The following ATF7IP variants were observed in gnomAD, a reference collection of about 807,000 sequenced individuals.
ATF7IP encodes the protein activating transcription factor 7-interacting protein 1.
A neutral mutation model predicts 106.4 loss-of-function variants in ATF7IP; 23 were observed. That is an observed-to-expected ratio of 0.22 (90% CI 0.16 to 0.31). The LOEUF is 0.31. Ranked by LOEUF, ATF7IP falls within the 10% of genes least tolerant of loss-of-function variation. ATF7IP has a pLI of 1.00. For synonymous variants in ATF7IP, 542 were observed against 539.0 expected (o/e 1.01, Z -0.08); for missense variants, 1,334 against 1,524.3 (o/e 0.88, Z 2.08).
intron 10 of ATF7IP, among the ~76,000 whole-genome samples, chr12:14,471,767 A>G (rs1944053570): frequency 6.6e-6 from 1 of 152,120 alleles, no homozygotes; most frequent in South Asian, 2.1e-4. Flanking sequence ...TGCCCCCATG[A>G]TTCAGTTACC....
At chr12:14,452,891 T>A (rs1943261463) in intron 6 of ATF7IP, among the ~76,000 whole-genome samples, 4 of 152,282 alleles carry the variant, frequency 2.6e-5, no homozygotes, top group Admixed American at 2.6e-4. Flanking sequence ...TTAGGACAGG[T>A]ATAGTGATGA....
rs1216432763 is a variant in ATF7IP at position 14,501,498 on chromosome 12, C to A, written c.*3425C>A. 1 of 152,180 alleles carries A rather than the reference C, an allele frequency of 6.6e-6. No individual in the cohort carries two copies. Among genetic ancestry groups the A allele is most frequent in the Non-Finnish European group, 1.5e-5 (1 of 68,028 alleles). The allele number at this position is 152,180 out of a possible 1,614,324, so 9.4% of individuals were successfully genotyped here. ...GAAATTTATAAATCACATACGAAGA[C>A]GTCTGTTGCTAACAGTTAACTTTAT... On this transcript the variant is annotated 3_prime_UTR_variant, in exon 15 of 15. Transcript: ENST00000261168.
rs1447727402 is a variant in ATF7IP at position 14,500,487 on chromosome 12, A to G, written c.*2414A>G. 6.6e-6 allele frequency: 1 copy of G among 152,182 alleles called. No individual in the cohort carries two copies. Among genetic ancestry groups the G allele is most frequent in the Non-Finnish European group, 1.5e-5 (1 of 68,024 alleles). The allele number at this position is 152,182 out of a possible 1,614,324, so 9.4% of individuals were successfully genotyped here. A position where few individuals can be genotyped will look rare whatever the true frequency, so the allele number is the denominator to read the frequency against. On this transcript the variant is annotated 3_prime_UTR_variant, in exon 15 of 15. Transcript: ENST00000261168. ...AGTGTTATGGCAATGAAAATTTCAG[A>G]AAGGAGGAGTTGATGATCTTCTAGA...
chr12:14,396,088 A>G (rs1939824389), intron 1 of ATF7IP, among the ~76,000 whole-genome samples: 1 of 152,312 alleles, frequency 6.6e-6, no homozygotes, highest in East Asian at 1.9e-4. Flanking sequence ...CCAGAAATAT[A>G]TTACTGATTG....
At chr12:14,487,432 G>A (rs1318774973) in intron 13 of ATF7IP, among the ~76,000 whole-genome samples, 2 of 152,170 alleles carry the variant, frequency 1.3e-5, no homozygotes, top group Non-Finnish European at 1.5e-5. Flanking sequence ...CCTGAGAAGA[G>A]TCAACATTGT....
chr12:14,460,232 C>T (rs1342909034), intron 8 of ATF7IP, among the ~76,000 whole-genome samples: 3 of 151,894 alleles, frequency 2.0e-5, no homozygotes, highest in Non-Finnish European at 2.9e-5. Context: ...TTTCAGAGAC[C>T]GTTTTGATCC....
intron 1 of ATF7IP, among the ~76,000 whole-genome samples, chr12:14,417,571 A>G (rs1268483031): frequency 6.6e-6 from 1 of 152,166 alleles, no homozygotes; most frequent in East Asian, 1.9e-4. Flanking sequence ...TGCATTGTAT[A>G]GAAAAATATG....
chr12:14,370,156 G>A (rs756904743), intron 1 of ATF7IP, among the ~76,000 whole-genome samples: 4 of 152,004 alleles, frequency 2.6e-5, no homozygotes, highest in Admixed American at 6.6e-5. Context: ...AGGCTGGCTC[G>A]AACTTCCTAC....
At chr12:14,427,661 G>A (rs1225091241) in intron 2 of ATF7IP, among the ~76,000 whole-genome samples, 1 of 152,166 alleles carries the variant, frequency 6.6e-6, no homozygotes, top group Non-Finnish European at 1.5e-5. Context: ...ACCGCGTCTG[G>A]CCAAGTCTAA....
At chr12:14,407,857 A>G (rs1321415950) in intron 1 of ATF7IP, among the ~76,000 whole-genome samples, 6 of 152,192 alleles carry the variant, frequency 3.9e-5, no homozygotes, top group Admixed American at 1.3e-4. Flanking sequence ...TAAAAAAAGT[A>G]TAAGGCATAC....
intron 1 of ATF7IP, among the ~76,000 whole-genome samples, chr12:14,376,121 T>C (rs35137816): frequency 0.02 from 3,006 of 152,290 alleles, 30 homozygotes; most frequent in Middle Eastern, 0.031. Flanking sequence ...ATCTTCCTGG[T>C]GAAAAAGCAG....
intron 6 of ATF7IP, among the ~76,000 whole-genome samples, chr12:14,449,732 C>G (rs1329708246): frequency 6.6e-6 from 1 of 151,352 alleles, no homozygotes; most frequent in Admixed American, 6.6e-5. Flanking sequence ...AAAAACAAAC[C>G]CACTATTGCA....
chr12:14,498,088 A>G lies in ATF7IP; in HGVS notation c.*15A>G, dbSNP rs1361560083. On this transcript the variant is annotated 3_prime_UTR_variant, in exon 15 of 15. Coordinates refer to ENST00000261168, the MANE Select transcript of ATF7IP (RefSeq NM_018179.5). ...AGAGCAGTTAAACCTTGGAGCCTTT[A>G]TATTTTCCTCTTTTAAAATTTCCAC... The G allele has an allele frequency of 6.5e-7, 1 of 1,538,160 alleles. No individual in the cohort carries two copies. Among genetic ancestry groups the G allele is most frequent in the Non-Finnish European group, 8.8e-7 (1 of 1,141,484 alleles).
intron 8 of ATF7IP, among the ~76,000 whole-genome samples, chr12:14,460,198 G>A (rs969102083): frequency 2.0e-5 from 3 of 151,952 alleles, no homozygotes; most frequent in Admixed American, 6.6e-5. Flanking sequence ...TACTAGTTAG[G>A]TACTCTAAAG....
At chr12:14,492,224 C>G (rs538800095) in intron 13 of ATF7IP, among the ~76,000 whole-genome samples, 1 of 152,320 alleles carries the variant, frequency 6.6e-6, no homozygotes, top group Non-Finnish European at 1.5e-5. Context: ...CATTAATTAT[C>G]TGACCTCCAT....
intron 1 of ATF7IP, among the ~76,000 whole-genome samples, chr12:14,411,609 A>C (rs1940917453): frequency 6.6e-6 from 1 of 151,826 alleles, no homozygotes; most frequent in Non-Finnish European, 1.5e-5. Context: ...TCCTTTGCTC[A>C]TTTTAAAATG....
In ATF7IP at chr12:14,385,683, G is replaced by T. The variant is rs148843587; in HGVS notation, c.-8+19856G>T. ...CCCTAATTAATGTAATATTCCTTTT[G>T]TGTAGGCTATTTTAGTGTGTTTGGT... On this transcript the variant is annotated intron_variant, in intron 1 of 14. Transcript: ENST00000261168. 8.4e-4 allele frequency among the ~76,000 whole-genome samples: 127 copies of T among 152,012 alleles called. 1 individual carries two copies. The East Asian group carries it at 0.024, about 29-fold the overall frequency.
chr12:14,388,902 C>G (rs1354278859), intron 1 of ATF7IP, among the ~76,000 whole-genome samples: 1 of 152,078 alleles, frequency 6.6e-6, no homozygotes, highest in African/African-American at 2.4e-5. Flanking sequence ...AGCTTCCTGA[C>G]ATGCTGGGAT....
chr12:14,395,818 TTTA>T (rs1364176208), intron 1 of ATF7IP, among the ~76,000 whole-genome samples: 4 of 152,078 alleles, frequency 2.6e-5, no homozygotes, highest in Admixed American at 1.3e-4. Flanking sequence ...TATATTTAAA[TTTA>T]TTATTATTTT....
Sources: gnomAD v4.1 joint callset for allele counts (sites outside exome capture counted in the v4.1 genomes callset) on GRCh38, gnomAD v4.1.1 for gene constraint, MANE v1.5 for transcripts, NCBI Gene and HGNC (gene_info 2026-07-23, HGNC 2026-07-21) for gene names.